Variants in NPHP3 observed in about 807,000 individuals in gnomAD.
NPHP3 encodes nephrocystin-3.
In NPHP3, 123 loss-of-function variants were observed where a neutral mutation model predicts 171.9. The observed-to-expected ratio is 0.72, with a 90% confidence interval of 0.62 to 0.83. NPHP3 has a LOEUF of 0.83. Ranked by LOEUF, NPHP3 falls within the 40% of genes least tolerant of loss-of-function variation. NPHP3 has a pLI of 0.00. For missense variants in NPHP3, 1,506 were observed against 1,591.9 expected, an observed-to-expected ratio of 0.95 and a Z score of 0.92; for synonymous variants, 558 against 579.2, an observed-to-expected ratio of 0.96 and a Z score of 0.52.
At chr3:132,720,185 A>G (rs1373630145) in intron 1 of NPHP3, among the ~76,000 whole-genome samples, 1 of 152,246 alleles carries the variant, frequency 6.6e-6, no homozygotes, top group Non-Finnish European at 1.5e-5. Context: ...TAGTTCTAAG[A>G]GACTGTGTGC....
At chr3:132,700,121 AGAGCTGGGG>A in intron 11 of NPHP3, 60 bp from the exon 12 acceptor site, 2 of 1,572,464 alleles carry the variant, frequency 1.3e-6, no homozygotes, top group Non-Finnish European at 1.8e-6. Context: ...AAGTAGTTAC[AGAGCTGGGG>A]GAAATATTTC....
In NPHP3 at chr3:132,690,720, A is replaced by C. The variant is rs535698431; in HGVS notation, c.2571-70T>G. The C allele has an allele frequency of 4.7e-4, 701 of 1,499,838 alleles. 2 individuals are homozygous for C. The highest frequency in any genetic ancestry group is 6.2e-4 in the Non-Finnish European group (672 of 1,080,172). The allele number at this position is 1,499,838 out of a possible 1,614,324, so 92.9% of individuals were successfully genotyped here. On this transcript the variant is annotated intron_variant, in intron 18 of 26. Transcript: ENST00000337331. ...GACTGCTTCAAAAAGGCTTCAGGCA[A>C]ATGTCAAAGGAAGAAAAATATTTAA...
At chr3:132,686,551 A>G (rs980064695) in intron 22 of NPHP3, among the ~76,000 whole-genome samples, 164 bp from the exon 23 acceptor site, 1 of 152,240 alleles carries the variant, frequency 6.6e-6, no homozygotes, top group African/African-American at 2.4e-5. Flanking sequence ...ACAAATACAA[A>G]TATTTCCACA....
intron 4 of NPHP3, among the ~76,000 whole-genome samples, chr3:132,715,858 A>C (rs925037324): frequency 3.3e-5 from 5 of 152,236 alleles, no homozygotes; most frequent in Non-Finnish European, 7.3e-5. Context: ...TTTGGATATG[A>C]ATACAGTTGT....
In NPHP3 at chr3:132,685,158, CTTTATTTTGT is replaced by C. The variant is rs1255872019; in HGVS notation, c.3330-374_3330-365del. ...AGTTAGTACTAAATAATTTTTATTT[CTTTATTTTGT>C]TTTTTTGTATGTGTGCGTGTGTGTA... On this transcript the variant is annotated intron_variant, in intron 23 of 26. Transcript: ENST00000337331. The C allele has an allele frequency of 2.0e-5, 5 of 245,006 alleles. No homozygotes were observed. The East Asian group carries it at 5.1e-4, about 25-fold the overall frequency. 15.2% of individuals were successfully genotyped at this position (245,006 alleles called of 1,614,324 possible).
chr3:132,694,380 T>TGTAA (rs1553772761), intron 16 of NPHP3, among the ~76,000 whole-genome samples: 1 of 144,432 alleles, frequency 6.9e-6, no homozygotes, highest in African/African-American at 2.6e-5. Context: ...TGTGTGTGTT[T>TGTAA]ACACACACAC....
rs1404621140 is a variant in NPHP3 at position 132,708,154 on chromosome 3, CAG to C, written c.1220_1221del (p.Ser407CysfsTer6). 2 of 1,614,178 alleles carry C rather than the reference CAG, an allele frequency of 1.2e-6. No individual in the cohort carries two copies. The highest frequency in any genetic ancestry group is 1.7e-6 in the Non-Finnish European group (2 of 1,179,980). On this transcript the variant is annotated frameshift_variant, in exon 7 of 27. Transcript: ENST00000337331. LOFTEE classifies it high-confidence loss of function. ...RLEDGKVSSD[S>X]VQQLIDQVSN... ...GAAACTTGATCAATCAATTGCTGGA[CAG>C]AGTCAGAACTGACTTTTCCATCTTC...
intron 19 of NPHP3, among the ~76,000 whole-genome samples, chr3:132,690,221 A>C (rs1022565974): frequency 2.0e-5 from 3 of 152,218 alleles, no homozygotes; most frequent in Non-Finnish European, 4.4e-5. Context: ...AGGCCCAAAG[A>C]AGCAGACATT....
chr3:132,701,498 T>C lies in NPHP3; in HGVS notation c.1560A>G (p.Pro520=). ...ACACGAGAAGAGGTGGAATCGGGGC[T>C]GGTGCTGCCACTAGATCATTAAGGC... ...YQRLNDLVAA[P]APIPPLLVSG... is the part of the protein sequence containing the mutation. Residue 520 remains proline (P), a synonymous_variant, in exon 10 of 27, where the codon CCA becomes CCG. Coordinates refer to ENST00000337331, the MANE Select transcript of NPHP3 (RefSeq NM_153240.5). 6.2e-7 allele frequency: 1 copy of C among 1,613,686 alleles called. No individual in the cohort carries two copies. The highest frequency in any genetic ancestry group is 8.5e-7 in the Non-Finnish European group (1 of 1,179,758).
intron 7 of NPHP3, among the ~76,000 whole-genome samples, chr3:132,706,853 C>T (rs1939769152): frequency 1.3e-5 from 2 of 152,046 alleles, no homozygotes; most frequent in African/African-American, 4.8e-5. Flanking sequence ...TAGGCTGATA[C>T]TACAATAATT....
chr3:132,698,079 TCA>T (rs1939503404), intron 13 of NPHP3, among the ~76,000 whole-genome samples: 1 of 152,042 alleles, frequency 6.6e-6, no homozygotes, highest in Non-Finnish European at 1.5e-5. Flanking sequence ...CCTCCCAGGT[TCA>T]AGTGATTCTC....
intron 4 of NPHP3, among the ~76,000 whole-genome samples, chr3:132,715,639 G>T (rs941540111): frequency 6.6e-6 from 1 of 152,176 alleles, no homozygotes; most frequent in Admixed American, 6.5e-5. Flanking sequence ...TATTTAGTGA[G>T]AGTAAAAATT....
At chr3:132,704,169 T>A (rs771894449) in intron 9 of NPHP3, 29 bp downstream of exon 9, 45 of 1,604,820 alleles carry the variant, frequency 2.8e-5, no homozygotes, top group Non-Finnish European at 3.8e-5. Context: ...GTGACAGATC[T>A]TTGTTGCAAT....
At chr3:132,704,550 C>T (rs1285809735) in intron 8 of NPHP3, among the ~76,000 whole-genome samples, 179 bp from the exon 9 acceptor site, 1 of 151,912 alleles carries the variant, frequency 6.6e-6, no homozygotes, top group Admixed American at 6.5e-5. Flanking sequence ...AATTTAAAAA[C>T]AAAGAAATAA....
chr3:132,686,146 T>G, intron 23 of NPHP3, 114 bp downstream of exon 23: 1 of 1,069,978 alleles, frequency 9.3e-7, no homozygotes, highest in Non-Finnish European at 1.4e-6. Flanking sequence ...ACATGAAATT[T>G]TGCGTGGTTT....
intron 13 of NPHP3, among the ~76,000 whole-genome samples, chr3:132,698,949 G>C (rs1939530735): frequency 6.6e-6 from 1 of 152,212 alleles, no homozygotes; most frequent in Non-Finnish European, 1.5e-5. Context: ...CTGAAGTGCA[G>C]TGGCATGATC....
rs758342381 is a variant in NPHP3 at position 132,684,655 on chromosome 3, GTTC to G, written c.3466_3468del (p.Glu1156del). ...CGAATATCTAAAGCTCTTTCATAAA[GTTC>G]TTCTGCTTTATCATACTGTTTCTTT... On this transcript the variant is annotated inframe_deletion, in exon 24 of 27. Coordinates refer to ENST00000337331, the MANE Select transcript of NPHP3 (RefSeq NM_153240.5). 6.2e-7 allele frequency: 1 copy of G among 1,614,068 alleles called. No homozygotes were observed. Among genetic ancestry groups the G allele is most frequent in the African/African-American group, 1.3e-5 (1 of 75,052 alleles).
In NPHP3 at chr3:132,694,377, G is replaced by A. The variant is rs200981813; in HGVS notation, c.2310+450C>T. On this transcript the variant is annotated intron_variant, in intron 16 of 26. Transcript: ENST00000337331. ...ATTATGTGTGTGTGTGTGTGTGTGT[G>A]TTTACACACACACACACATATATAT... Among the ~76,000 whole-genome samples the A allele has an allele frequency of 3.4e-3, 418 of 121,402 alleles. 2 individuals carry two copies. The highest frequency in any genetic ancestry group is 0.013 in the African/African-American group (385 of 30,592). 79.6% of individuals were successfully genotyped at this position (121,402 alleles called of 152,430 possible).
In NPHP3 at chr3:132,688,770, C is replaced by G; in HGVS notation, c.3005G>C (p.Gly1002Ala). The G allele has an allele frequency of 1.2e-6, 2 of 1,614,086 alleles. No individual in the cohort carries two copies. Among genetic ancestry groups the G allele is most frequent in the Non-Finnish European group, 8.5e-7 (1 of 1,179,996 alleles). The part of the protein sequence containing the change: ...ASVYVQWKKF[G>A]NAEQLYKQAL... Reference sequence around the variant, plus strand: ...CTGTTTATACAGTTGTTCTGCATTGCCAAACTTCTTCCACTGCACGTATAC... The same window carrying G: ...CTGTTTATACAGTTGTTCTGCATTGGCAAACTTCTTCCACTGCACGTATAC... Residue 1002 changes from glycine (G) to alanine (A), a missense_variant, in exon 21 of 27, where the codon GGC becomes GCC. Gly to Ala is a moderately conservative substitution (Grantham distance 60, BLOSUM62 0). Transcript: ENST00000337331.
Sources: gnomAD v4.1 joint callset for allele counts (sites outside exome capture counted in the v4.1 genomes callset) on GRCh38, gnomAD v4.1.1 for gene constraint, MANE v1.5 for transcripts, NCBI Gene and HGNC (gene_info 2026-07-23, HGNC 2026-07-21) for gene names.